The following CTNNA3 variants were observed in gnomAD, a reference collection of about 807,000 sequenced individuals.
CTNNA3 encodes catenin alpha 3, also known as catenin alpha-3.
In CTNNA3, 76 loss-of-function variants were observed where a neutral mutation model predicts 95.7. That is an observed-to-expected ratio of 0.79 (90% CI 0.66 to 0.96). The LOEUF is 0.96. CTNNA3 is among the 40% of genes least tolerant of loss of function. The probability of loss-of-function intolerance (pLI) is 0.00; values close to 1 mark genes in which losing one functional copy is unlikely to be tolerated. For missense variants in CTNNA3, 1,191 were observed against 1,089.8 expected (o/e 1.09, Z -1.31); for synonymous variants, 431 against 374.4 (o/e 1.15, Z -1.74).
intron 9 of CTNNA3, among the ~76,000 whole-genome samples, chr10:66,654,882 T>C (rs1846024691): frequency 6.6e-6 from 1 of 152,008 alleles, no homozygotes; most frequent in Non-Finnish European, 1.5e-5. Flanking sequence ...ACATGTGAAA[T>C]CTAAAAAGGT....
intron 10 of CTNNA3, among the ~76,000 whole-genome samples, chr10:66,556,677 T>A (rs536163563): frequency 6.6e-6 from 1 of 151,962 alleles, no homozygotes; most frequent in East Asian, 1.9e-4. Context: ...AAATGTCAAA[T>A]ACATAGAAGC....
At chr10:66,951,512 T>C (rs7896619) in intron 7 of CTNNA3, among the ~76,000 whole-genome samples, 3,503 of 152,268 alleles carry the variant, frequency 0.023, 128 homozygotes, top group African/African-American at 0.08. Flanking sequence ...ATGAGATAGG[T>C]ACTGTTTACT....
chr10:66,262,024 G>A (rs1001143891), intron 13 of CTNNA3, among the ~76,000 whole-genome samples: 3 of 151,812 alleles, frequency 2.0e-5, no homozygotes, highest in Admixed American at 6.6e-5. Flanking sequence ...CTGTAACCTC[G>A]TGTCTCAGCA....
At chr10:66,721,778 A>G (rs1163049538) in intron 9 of CTNNA3, among the ~76,000 whole-genome samples, 2 of 152,202 alleles carry the variant, frequency 1.3e-5, no homozygotes, top group African/African-American at 2.4e-5. Context: ...CAAATGTAAT[A>G]CCTGCTCTTA....
intron 1 of CTNNA3, among the ~76,000 whole-genome samples, chr10:67,713,307 G>T (rs996436839): frequency 3.3e-5 from 5 of 152,352 alleles, no homozygotes; most frequent in Non-Finnish European, 5.9e-5. Context: ...AGCATGTGGA[G>T]AAATAGGAAT....
intron 5 of CTNNA3, among the ~76,000 whole-genome samples, chr10:67,266,086 A>T (rs1030978860): frequency 6.6e-5 from 10 of 152,144 alleles, no homozygotes; most frequent in Admixed American, 1.3e-4. Context: ...AAAAATTAAA[A>T]CTGGAAGAAG....
At chr10:66,669,889 T>C (rs538445097) in intron 9 of CTNNA3, among the ~76,000 whole-genome samples, 56 of 152,236 alleles carry the variant, frequency 3.7e-4, no homozygotes, top group African/African-American at 1.3e-3. Flanking sequence ...GGTTCATAAA[T>C]GCTGTCAGCA....
At chr10:67,106,828 C>T (rs937011867) in intron 7 of CTNNA3, among the ~76,000 whole-genome samples, 20 of 152,138 alleles carry the variant, frequency 1.3e-4, no homozygotes, top group Non-Finnish European at 1.3e-4. Flanking sequence ...GTGTTTATTA[C>T]ATACCTAATA....
chr10:66,186,804 T>C (rs1045315260), intron 13 of CTNNA3, among the ~76,000 whole-genome samples: 1 of 152,156 alleles, frequency 6.6e-6, no homozygotes, highest in African/African-American at 2.4e-5. Flanking sequence ...AAAAATCTTC[T>C]TCTCCATAAA....
chr10:66,520,790 T>G lies in CTNNA3; in HGVS notation c.1375-17A>C. 1 of 1,606,088 alleles carries G rather than the reference T, an allele frequency of 6.2e-7. No homozygotes were observed. The highest frequency in any genetic ancestry group is 8.5e-7 in the Non-Finnish European group (1 of 1,175,854). The stretch of plus-strand genomic sequence containing the variant: ...ATTAATAATCTATAAAGATAAGGAT[T>G]GAAAAAATTACCTATTGGTTGCAAT... On this transcript the variant is annotated splice_polypyrimidine_tract_variant and intron_variant, in intron 10 of 17. Coordinates refer to ENST00000433211, the MANE Select transcript of CTNNA3 (RefSeq NM_013266.4).
intron 7 of CTNNA3, among the ~76,000 whole-genome samples, chr10:66,997,724 G>A (rs1196157899): frequency 2.0e-5 from 3 of 151,904 alleles, no homozygotes; most frequent in Non-Finnish European, 4.4e-5. Flanking sequence ...ACCTTATTCC[G>A]TCATAACAAT....
intron 5 of CTNNA3, among the ~76,000 whole-genome samples, chr10:67,461,972 A>G (rs925308203): frequency 6.6e-6 from 1 of 152,216 alleles, no homozygotes; most frequent in African/African-American, 2.4e-5. Flanking sequence ...TTTTGTTTTT[A>G]ATCACAGCTA....
At chr10:66,526,237 G>A (rs1564512375) in intron 10 of CTNNA3, among the ~76,000 whole-genome samples, 1 of 152,144 alleles carries the variant, frequency 6.6e-6, no homozygotes, top group Non-Finnish European at 1.5e-5. Flanking sequence ...CTATGCTGGA[G>A]TGTAGCGGCT....
intron 5 of CTNNA3, among the ~76,000 whole-genome samples, chr10:67,267,633 A>G (rs1866883479): frequency 6.6e-6 from 1 of 152,170 alleles, no homozygotes; most frequent in Non-Finnish European, 1.5e-5. Context: ...CCCAAAAATT[A>G]TAATCTTCTT....
At chr10:67,410,342 G>A (rs903419662) in intron 5 of CTNNA3, among the ~76,000 whole-genome samples, 1 of 151,962 alleles carries the variant, frequency 6.6e-6, no homozygotes, top group African/African-American at 2.4e-5. Context: ...ACACACACTG[G>A]GTCCTGTCAA....
At chr10:67,430,006 T>G (rs1261575953) in intron 5 of CTNNA3, among the ~76,000 whole-genome samples, 1 of 152,006 alleles carries the variant, frequency 6.6e-6, no homozygotes, top group Non-Finnish European at 1.5e-5. Context: ...AAGACTTCCA[T>G]TGATAGTTCT....
chr10:67,416,799 C>T (rs1845562233), intron 5 of CTNNA3, among the ~76,000 whole-genome samples: 1 of 151,964 alleles, frequency 6.6e-6, no homozygotes. Context: ...AAAAAAACAA[C>T]AGATGCAGAG....
chr10:67,365,744 G>C (rs1316716601), intron 5 of CTNNA3, among the ~76,000 whole-genome samples: 1 of 152,240 alleles, frequency 6.6e-6, no homozygotes, highest in Non-Finnish European at 1.5e-5. Flanking sequence ...TGGAGAGGAT[G>C]TGAAGAAATA....
intron 10 of CTNNA3, among the ~76,000 whole-genome samples, chr10:66,590,768 A>G (rs755222757): frequency 1.3e-5 from 2 of 152,070 alleles, no homozygotes; most frequent in African/African-American, 2.4e-5. Flanking sequence ...GGGAGAAAAA[A>G]CAGTATTAGA....
Sources: gnomAD v4.1 joint callset for allele counts (sites outside exome capture counted in the v4.1 genomes callset) on GRCh38, gnomAD v4.1.1 for gene constraint, MANE v1.5 for transcripts, NCBI Gene and HGNC (gene_info 2026-07-23, HGNC 2026-07-21) for gene names.